Variants in HSD17B2 observed in about 807,000 individuals in gnomAD.
HSD17B2 encodes the protein 17-beta-hydroxysteroid dehydrogenase type 2.
A neutral mutation model predicts 26.9 loss-of-function variants in HSD17B2; 32 were observed. That is an observed-to-expected ratio of 1.19 (90% CI 0.90 to 1.60). HSD17B2 has a LOEUF of 1.60. Ranked by LOEUF, HSD17B2 falls within the 40% of genes most tolerant of loss-of-function variation. The probability of loss-of-function intolerance (pLI) is 0.00; values close to 1 mark genes in which losing one functional copy is unlikely to be tolerated. For missense variants in HSD17B2, 613 were observed against 468.6 expected (o/e 1.31, Z -2.85); for synonymous variants, 246 against 186.7 (o/e 1.32, Z -2.59).
chr16:82,065,468 G>T (rs370171042), intron 1 of HSD17B2, among the ~76,000 whole-genome samples: 1 of 152,130 alleles, frequency 6.6e-6, no homozygotes, highest in Non-Finnish European at 1.5e-5. Context: ...GGGGAACTGG[G>T]GGCTTTAAAA....
chr16:82,055,465 G>A (rs995450702), intron 1 of HSD17B2, among the ~76,000 whole-genome samples: 2 of 152,154 alleles, frequency 1.3e-5, no homozygotes, highest in South Asian at 2.1e-4. Context: ...TGATGTAGAA[G>A]AGTACATGGC....
intron 3 of HSD17B2, 118 bp downstream of exon 3, chr16:82,071,245 G>C (rs748616008): frequency 3.3e-5 from 31 of 943,156 alleles, no homozygotes; most frequent in Non-Finnish European, 4.5e-5. Context: ...GTCAGGATTA[G>C]TCAAATTGTA....
chr16:82,043,169 T>C (rs1391516830), intron 1 of HSD17B2, among the ~76,000 whole-genome samples: 1 of 152,218 alleles, frequency 6.6e-6, no homozygotes, highest in African/African-American at 2.4e-5. Context: ...AAGCTCGTCT[T>C]GGGCCAAGCT....
At chr16:82,062,420 G>C (rs556225720) in intron 1 of HSD17B2, among the ~76,000 whole-genome samples, 1 of 152,288 alleles carries the variant, frequency 6.6e-6, no homozygotes, top group African/African-American at 2.4e-5. Flanking sequence ...AGTTTGTAAG[G>C]CACAAATATT....
At chr16:82,073,106 A>C (rs1437787085) in intron 3 of HSD17B2, among the ~76,000 whole-genome samples, 1 of 152,046 alleles carries the variant, frequency 6.6e-6, no homozygotes, top group African/African-American at 2.4e-5. Flanking sequence ...CATATCTTCA[A>C]CTTGGCCTTT....
chr16:82,047,033 C>T (rs892539160), intron 1 of HSD17B2, among the ~76,000 whole-genome samples: 2 of 152,236 alleles, frequency 1.3e-5, no homozygotes, highest in African/African-American at 4.8e-5. Context: ...CTTCCGCATT[C>T]AGACACAGAA....
rs188873673 is a variant in HSD17B2 at position 82,050,055 on chromosome 16, C to G, written c.265+14366C>G. On this transcript the variant is annotated intron_variant, in intron 1 of 4. Transcript: ENST00000199936. ...CATTGGTGTTTCTTTAGAGCGCCTC[C>G]GTCCCAGGTGAAGCTAATGGATAGC... Among the ~76,000 whole-genome samples, 9 of 152,354 alleles carry G rather than the reference C, an allele frequency of 5.9e-5. 1 individual carries two copies. The highest frequency in any genetic ancestry group is 3.4e-3 in the Middle Eastern group (1 of 294).
chr16:82,047,019 GCA>G, intron 1 of HSD17B2, among the ~76,000 whole-genome samples: 2 of 152,298 alleles, frequency 1.3e-5, no homozygotes, highest in Admixed American at 1.3e-4. Context: ...GCTGACCCAA[GCA>G]CCTTCCGCAT....
intron 1 of HSD17B2, among the ~76,000 whole-genome samples, chr16:82,043,803 T>C (rs188675706): frequency 8.6e-4 from 131 of 152,232 alleles, no homozygotes; most frequent in African/African-American, 2.9e-3. Context: ...CACTGGGGTT[T>C]TGAATAATCC....
chr16:82,037,868 A>G (rs972455946), intron 1 of HSD17B2, among the ~76,000 whole-genome samples: 2 of 152,238 alleles, frequency 1.3e-5, no homozygotes, highest in East Asian at 1.9e-4. Context: ...AAAAGCTGTG[A>G]TAACAGCTGG....
chr16:82,048,039 A>G (rs922036949), intron 1 of HSD17B2, among the ~76,000 whole-genome samples: 1 of 152,226 alleles, frequency 6.6e-6, no homozygotes, highest in African/African-American at 2.4e-5. Flanking sequence ...TTGACATGCC[A>G]AGGTTGTATT....
At chr16:82,043,684 CAAAAAAAAAAAAA>C (rs398030034) in intron 1 of HSD17B2, among the ~76,000 whole-genome samples, 34 of 22,552 alleles carry the variant, frequency 1.5e-3, no homozygotes, top group Non-Finnish European at 1.9e-3. Context: ...AACTCTGTCT[CAAAAAAAAAAAAA>C]AAAAAAAAAA....
chr16:82,041,349 T>G (rs1409841941), intron 1 of HSD17B2, among the ~76,000 whole-genome samples: 2 of 152,200 alleles, frequency 1.3e-5, no homozygotes, highest in African/African-American at 2.4e-5. Flanking sequence ...ATCTGCCCAC[T>G]CACTTAGGTA....
chr16:82,074,618 G>C (rs1400360566), intron 3 of HSD17B2, among the ~76,000 whole-genome samples: 2 of 152,242 alleles, frequency 1.3e-5, no homozygotes, highest in East Asian at 3.9e-4. Context: ...TCATTATATA[G>C]TCATAAAGGT....
chr16:82,058,923 A>T (rs373190796), intron 1 of HSD17B2, among the ~76,000 whole-genome samples: 1 of 152,108 alleles, frequency 6.6e-6, no homozygotes, highest in Non-Finnish European at 1.5e-5. Flanking sequence ...TTGTGCCTGG[A>T]CTGTGATACT....
chr16:82,049,321 C>A (rs1597122087), intron 1 of HSD17B2, among the ~76,000 whole-genome samples: 4 of 152,136 alleles, frequency 2.6e-5, no homozygotes, highest in Admixed American at 1.3e-4. Context: ...GCCCCTACCA[C>A]AAAAAATTTA....
At chr16:82,088,812 T>C (rs906947361) in intron 3 of HSD17B2, among the ~76,000 whole-genome samples, 3 of 152,366 alleles carry the variant, frequency 2.0e-5, no homozygotes, top group Non-Finnish European at 2.9e-5. Context: ...GTTAAAATTA[T>C]ATCAGTTAAG....
chr16:82,057,070 TATAA>T (rs1240754979), intron 1 of HSD17B2, among the ~76,000 whole-genome samples: 1 of 152,184 alleles, frequency 6.6e-6, no homozygotes, highest in Non-Finnish European at 1.5e-5. Flanking sequence ...TCCAAACTGA[TATAA>T]ATAAGTGATT....
intron 2 of HSD17B2, among the ~76,000 whole-genome samples, chr16:82,069,721 C>G (rs561802122): frequency 3.0e-4 from 45 of 152,318 alleles, no homozygotes; most frequent in African/African-American, 9.9e-4. Flanking sequence ...TTGAAAATTA[C>G]CTATGCTGGG....
Sources: allele counts gnomAD v4.1 joint callset (sites outside exome capture counted in the v4.1 genomes callset), GRCh38; gene constraint gnomAD v4.1.1; transcripts MANE v1.5; gene names NCBI Gene and HGNC (gene_info 2026-07-23, HGNC 2026-07-21).